Variants in CNTNAP2 observed in about 807,000 individuals in gnomAD.
CNTNAP2 encodes contactin associated protein 2.
In CNTNAP2, 98 loss-of-function variants were observed where a neutral mutation model predicts 155.2. The observed-to-expected ratio is 0.63, with a 90% CI of 0.54 to 0.75. CNTNAP2 has a LOEUF of 0.75. CNTNAP2 is among the 30% of genes least tolerant of loss of function. CNTNAP2 has a pLI of 0.00. For synonymous variants in CNTNAP2, 651 were observed against 631.2 expected, an observed-to-expected ratio of 1.03 and a Z score of -0.47; for missense variants, 1,727 against 1,688.1, an observed-to-expected ratio of 1.02 and a Z score of -0.40.
Position 148,027,410 on chromosome 7 carries a change from A to G in CNTNAP2, c.2383+49421A>G, listed in dbSNP as rs903737814. On this transcript the variant is annotated intron_variant, in intron 15 of 23. Transcript: ENST00000361727. ...ATTCAGCCCACCTAAAGTTTTTGACAGTCTGTTTACCAATCAGGAAAAGAT... is the reference window on the plus strand; with the variant it reads ...ATTCAGCCCACCTAAAGTTTTTGACGGTCTGTTTACCAATCAGGAAAAGAT... Among the ~76,000 whole-genome samples, 15 of 152,320 alleles carry G rather than the reference A, an allele frequency of 9.8e-5. No individual in the cohort carries two copies. The East Asian group carries it at 2.5e-3, about 25-fold the overall frequency.
intron 13 of CNTNAP2, among the ~76,000 whole-genome samples, chr7:147,873,431 G>A (rs1464022220): frequency 6.6e-6 from 1 of 152,166 alleles, no homozygotes; most frequent in Non-Finnish European, 1.5e-5. Context: ...GCAAAGGCAT[G>A]TCTTACATGG....
At chr7:147,184,171 T>C (rs1802519828) in intron 8 of CNTNAP2, among the ~76,000 whole-genome samples, 5 of 152,272 alleles carry the variant, frequency 3.3e-5, no homozygotes, top group Middle Eastern at 3.4e-3. Flanking sequence ...ATTCTTCACC[T>C]GAAATACAAA....
intron 1 of CNTNAP2, among the ~76,000 whole-genome samples, chr7:146,211,370 T>A (rs1164579867): frequency 6.6e-6 from 1 of 152,198 alleles, no homozygotes; most frequent in Non-Finnish European, 1.5e-5. Flanking sequence ...CAAATATGAA[T>A]TCTTAATCAT....
intron 8 of CNTNAP2, among the ~76,000 whole-genome samples, chr7:147,271,490 T>G (rs1584834167): frequency 6.6e-6 from 1 of 152,118 alleles, no homozygotes; most frequent in East Asian, 1.9e-4. Flanking sequence ...TAATGCATGC[T>G]CTGTGTATTA....
At chr7:147,253,940 TGTAA>T (rs1463589057) in intron 8 of CNTNAP2, among the ~76,000 whole-genome samples, 1 of 152,204 alleles carries the variant, frequency 6.6e-6, no homozygotes, top group Non-Finnish European at 1.5e-5. Flanking sequence ...GGCCCTCTTT[TGTAA>T]GTAACTTCCT....
At chr7:147,042,352 A>G (rs1799276198) in intron 3 of CNTNAP2, among the ~76,000 whole-genome samples, 1 of 152,166 alleles carries the variant, frequency 6.6e-6, no homozygotes, top group African/African-American at 2.4e-5. Context: ...GTTACATAAA[A>G]TTGTTTCAAT....
At chr7:147,139,070 T>A (rs929913372) in intron 8 of CNTNAP2, among the ~76,000 whole-genome samples, 1 of 151,914 alleles carries the variant, frequency 6.6e-6, no homozygotes, top group Non-Finnish European at 1.5e-5. Context: ...AAAAATAATA[T>A]ATGCATGTAG....
At chr7:147,391,399 G>A (rs1796716106) in intron 9 of CNTNAP2, among the ~76,000 whole-genome samples, 1 of 152,052 alleles carries the variant, frequency 6.6e-6, no homozygotes, top group East Asian at 1.9e-4. Context: ...GTTTACAGCT[G>A]CATAGACTCC....
chr7:146,465,090 C>T (rs1796698850), intron 1 of CNTNAP2, among the ~76,000 whole-genome samples: 1 of 151,940 alleles, frequency 6.6e-6, no homozygotes, highest in East Asian at 1.9e-4. Flanking sequence ...TCACCGTATC[C>T]CCAGCTGAAG....
At position 147,818,534 on chromosome 7, in the gene CNTNAP2, T is replaced by C. The variant is rs548076311; in HGVS notation, c.2099-85031T>C. ...TCACGATTGCTAGATCTCCCATGGG[T>C]GTCCTAAAAGGAAGCACGTGGTCTG... is the stretch of plus-strand genomic sequence containing the variant. On this transcript the variant is annotated intron_variant, in intron 13 of 23. Transcript: ENST00000361727. Among the ~76,000 whole-genome samples, 29 of 152,258 alleles carry C rather than the reference T, an allele frequency of 1.9e-4. 1 individual carries two copies. Among genetic ancestry groups the C allele is most frequent in the African/African-American group, 6.5e-4 (27 of 41,536 alleles).
At chr7:148,174,325 A>T (rs530704876) in intron 18 of CNTNAP2, among the ~76,000 whole-genome samples, 244 of 152,318 alleles carry the variant, frequency 1.6e-3, no homozygotes, top group African/African-American at 5.6e-3. Flanking sequence ...GGCAAGCTCC[A>T]TCAGGGACTG....
At chr7:146,829,552 T>C (rs1385128786) in intron 2 of CNTNAP2, among the ~76,000 whole-genome samples, 3 of 152,094 alleles carry the variant, frequency 2.0e-5, no homozygotes, top group African/African-American at 7.2e-5. Context: ...CTGACAATGT[T>C]AAGTCGAAAA....
chr7:148,318,756 T>G (rs1165435278), intron 21 of CNTNAP2, among the ~76,000 whole-genome samples: 1 of 152,198 alleles, frequency 6.6e-6, no homozygotes, highest in Non-Finnish European at 1.5e-5. Flanking sequence ...TCATCAAGAT[T>G]CTACAACCAA....
chr7:146,682,790 T>G (rs1358054676), intron 1 of CNTNAP2, among the ~76,000 whole-genome samples: 2 of 152,172 alleles, frequency 1.3e-5, no homozygotes, highest in African/African-American at 4.8e-5. Context: ...GCATAATCGG[T>G]TAATAGATAA....
chr7:146,287,853 T>C (rs1401826038), intron 1 of CNTNAP2, among the ~76,000 whole-genome samples: 2 of 152,214 alleles, frequency 1.3e-5, no homozygotes, highest in Non-Finnish European at 2.9e-5. Context: ...TAAAAATTAT[T>C]GTTATCTTAC....
At chr7:147,212,097 A>G (rs1347667809) in intron 8 of CNTNAP2, among the ~76,000 whole-genome samples, 1 of 152,090 alleles carries the variant, frequency 6.6e-6, no homozygotes, top group African/African-American at 2.4e-5. Context: ...TCATAAAACA[A>G]CACATACTGG....
At chr7:147,241,883 G>T (rs983097884) in intron 8 of CNTNAP2, among the ~76,000 whole-genome samples, 2 of 152,078 alleles carry the variant, frequency 1.3e-5, no homozygotes, top group Non-Finnish European at 2.9e-5. Context: ...ATTCAAATTT[G>T]ACTTGGTGTA....
chr7:146,808,588 A>G (rs1480492115), intron 2 of CNTNAP2, among the ~76,000 whole-genome samples: 1 of 152,210 alleles, frequency 6.6e-6, no homozygotes, highest in Non-Finnish European at 1.5e-5. Flanking sequence ...TGATATTTGT[A>G]TGTACGTTTG....
chr7:146,472,661 A>C (rs1796817448), intron 1 of CNTNAP2, among the ~76,000 whole-genome samples: 1 of 152,176 alleles, frequency 6.6e-6, no homozygotes, highest in African/African-American at 2.4e-5. Flanking sequence ...ATTCTCTACA[A>C]GCAAATTCAA....
Sources: allele counts gnomAD v4.1 joint callset (sites outside exome capture counted in the v4.1 genomes callset), GRCh38; gene constraint gnomAD v4.1.1; transcripts MANE v1.5; gene names NCBI Gene and HGNC (gene_info 2026-07-23, HGNC 2026-07-21).